The following USP32 variants were observed in gnomAD, a reference collection of about 807,000 sequenced individuals.
USP32 encodes the protein ubiquitin carboxyl-terminal hydrolase 32.
Under a neutral mutation model 204.8 loss-of-function variants are expected in USP32, and 59 were observed. The ratio of observed to expected loss-of-function variants is 0.29; its 90% CI spans 0.23 to 0.36. The LOEUF (loss-of-function observed/expected upper bound fraction) is 0.36, where lower values mean the gene tolerates loss of function less well. USP32 is among the 10% of genes least tolerant of loss of function. USP32 has a pLI of 1.00. For synonymous variants in USP32, 517 were observed against 678.4 expected (o/e 0.76, Z 3.70); for missense variants, 1,160 against 1,946.4 (o/e 0.60, Z 7.60).
At chr17:60,352,280 T>A (rs2088967449) in intron 1 of USP32, among the ~76,000 whole-genome samples, 1 of 152,206 alleles carries the variant, frequency 6.6e-6, no homozygotes, top group Admixed American at 6.5e-5. Flanking sequence ...TTATCTCTTC[T>A]TCCCACCTGG....
At chr17:60,350,158 TC>T (rs984642363) in intron 1 of USP32, among the ~76,000 whole-genome samples, 3 of 150,978 alleles carry the variant, frequency 2.0e-5, no homozygotes, top group Non-Finnish European at 4.4e-5. Flanking sequence ...GACCACAGGC[TC>T]CCACTGCCAC....
At chr17:60,229,663 T>C (rs930068900) in intron 12 of USP32, among the ~76,000 whole-genome samples, 3 of 152,216 alleles carry the variant, frequency 2.0e-5, no homozygotes, top group African/African-American at 7.2e-5. Flanking sequence ...GTCACTTTGT[T>C]TTCCTCCAGA....
At chr17:60,286,763 C>T (rs1450248754) in intron 5 of USP32, among the ~76,000 whole-genome samples, 1 of 152,128 alleles carries the variant, frequency 6.6e-6, no homozygotes, top group Admixed American at 6.5e-5. Flanking sequence ...AGCACAGACC[C>T]CCTCCCTCAC....
intron 1 of USP32, among the ~76,000 whole-genome samples, chr17:60,357,618 C>A (rs1410765384): frequency 6.6e-6 from 1 of 152,100 alleles, no homozygotes; most frequent in Non-Finnish European, 1.5e-5. Flanking sequence ...TACAAAAGGA[C>A]AAAAATGTCC....
At chr17:60,381,428 G>A (rs181598559) in intron 1 of USP32, among the ~76,000 whole-genome samples, 6,613 of 147,576 alleles carry the variant, frequency 0.045, 517 homozygotes, top group African/African-American at 0.16. Context: ...GTGACAGAGG[G>A]AGACCCTGTC....
rs146326619 is a variant in USP32 at position 60,183,340 on chromosome 17, G to A, written c.3948C>T (p.Asp1316=). ...GTGGTTTATGCTGGCAGAGAGCCGG[G>A]TCTCTTGGTACCAAAAAAGCACTTG... ...FDPSAFLVPR[D]PALCQHKPLT... is the part of the protein sequence containing the mutation. Residue 1316 remains aspartate, a synonymous_variant, in exon 31 of 34, where the codon GAC becomes GAT. Coordinates refer to ENST00000300896, the MANE Select transcript of USP32 (RefSeq NM_032582.4). 379 of 1,613,950 alleles carry A rather than the reference G, an allele frequency of 2.3e-4. 1 individual carries two copies. The African/African-American group carries it at 4.6e-3, about 19-fold the overall frequency.
At chr17:60,322,266 C>T (rs1330489864) in intron 2 of USP32, among the ~76,000 whole-genome samples, 1 of 152,112 alleles carries the variant, frequency 6.6e-6, no homozygotes, top group Non-Finnish European at 1.5e-5. Flanking sequence ...CCACCTCAGC[C>T]TCCTCAGTAG....
intron 33 of USP32, 41 bp downstream of exon 33, chr17:60,180,504 A>G: frequency 6.3e-7 from 1 of 1,588,814 alleles, no homozygotes; most frequent in Non-Finnish European, 8.6e-7. Flanking sequence ...TTCTGTTGAT[A>G]TTCTGTTTCT....
chr17:60,180,839 A>T (rs1170523297), intron 32 of USP32, among the ~76,000 whole-genome samples: 1 of 151,256 alleles, frequency 6.6e-6, no homozygotes, highest in Non-Finnish European at 1.5e-5. Context: ...TCTTGTGTGG[A>T]TAAACAATCA....
intron 17 of USP32, among the ~76,000 whole-genome samples, chr17:60,214,024 C>T (rs2085039842): frequency 6.6e-6 from 1 of 151,708 alleles, no homozygotes; most frequent in South Asian, 2.1e-4. Flanking sequence ...CTCACTGCAA[C>T]CTCTGCCTCT....
upstream of USP32, among the ~76,000 whole-genome samples, chr17:60,396,589 T>C (rs936219341): frequency 2.6e-5 from 4 of 152,156 alleles, no homozygotes; most frequent in African/African-American, 4.8e-5. Context: ...TCCAGTGCTT[T>C]GGGAAGTCAA....
chr17:60,348,288 A>C (rs1023999409), intron 1 of USP32, among the ~76,000 whole-genome samples: 1 of 152,180 alleles, frequency 6.6e-6, no homozygotes, highest in African/African-American at 2.4e-5. Context: ...AACCATGAGG[A>C]AGAAGCATAA....
At chr17:60,272,903 G>A (rs1014926079) in intron 5 of USP32, among the ~76,000 whole-genome samples, 10 of 152,208 alleles carry the variant, frequency 6.6e-5, no homozygotes, top group African/African-American at 2.4e-4. Context: ...TGGCAGAATA[G>A]TAAGCTGTGT....
At chr17:60,335,958 C>T (rs2088506385) in intron 2 of USP32, among the ~76,000 whole-genome samples, 1 of 142,948 alleles carries the variant, frequency 7.0e-6, no homozygotes, top group South Asian at 2.1e-4. Flanking sequence ...ATAGAAGTTT[C>T]TCATAAAGAC....
intron 3 of USP32, among the ~76,000 whole-genome samples, chr17:60,300,141 C>T (rs1367900976): frequency 6.6e-6 from 1 of 152,054 alleles, no homozygotes; most frequent in Non-Finnish European, 1.5e-5. Flanking sequence ...ATATGGTGTT[C>T]AAGAATAAAA....
chr17:60,284,309 G>A (rs2145835465), intron 5 of USP32, among the ~76,000 whole-genome samples: 1 of 151,360 alleles, frequency 6.6e-6, no homozygotes, highest in Middle Eastern at 3.4e-3. Context: ...CGCCTCCCAG[G>A]TTCAAGTGAT....
chr17:60,419,465 G>T (rs777785882), intron 1 of USP32, among the ~76,000 whole-genome samples: 4 of 152,084 alleles, frequency 2.6e-5, no homozygotes, highest in South Asian at 2.1e-4. Context: ...GGCTGGGCAC[G>T]GTGGCTCATG....
In USP32 at chr17:60,177,842, A is replaced by G. The variant is rs2084003884; in HGVS notation, c.*1413T>C. 6.6e-6 allele frequency among the ~76,000 whole-genome samples: 1 copy of G among 152,216 alleles called. No individual in the cohort carries two copies. The highest frequency in any genetic ancestry group is 6.5e-5 in the Admixed American group (1 of 15,286). On this transcript the variant is annotated 3_prime_UTR_variant, in exon 34 of 34. Transcript: ENST00000300896. ...TTAGTTACATTGGTAATTACTATCT[A>G]TGAGGAAGAAAGGGTAGTGGAATCT... is the stretch of plus-strand genomic sequence containing the variant.
At chr17:60,269,421 A>C (rs2086674526) in intron 7 of USP32, 29 bp downstream of exon 7, 2 of 1,570,636 alleles carry the variant, frequency 1.3e-6, no homozygotes, top group Non-Finnish European at 1.7e-6. Flanking sequence ...CATAGTTTGC[A>C]ATTTTTTGAC....
Sources: gnomAD v4.1 joint callset for allele counts (sites outside exome capture counted in the v4.1 genomes callset) on GRCh38, gnomAD v4.1.1 for gene constraint, MANE v1.5 for transcripts, NCBI Gene and HGNC (gene_info 2026-07-23, HGNC 2026-07-21) for gene names.